The following SMYD3 variants were observed in gnomAD, a reference collection of about 807,000 sequenced individuals.
SMYD3 encodes SET and MYND domain containing 3, also known as histone-lysine N-methyltransferase SMYD3.
Under a neutral mutation model 57.7 loss-of-function variants are expected in SMYD3, and 36 were observed. The ratio of observed to expected loss-of-function variants is 0.62; its 90% CI spans 0.48 to 0.82. The LOEUF (loss-of-function observed/expected upper bound fraction) is 0.82. Among genes scored for constraint, SMYD3 ranks in the 40% least tolerant of loss-of-function variants. SMYD3 has a pLI of 0.00. For missense variants in SMYD3, 515 were observed against 538.8 expected, an observed-to-expected ratio of 0.96 and a Z score of 0.44; for synonymous variants, 211 against 195.0, an observed-to-expected ratio of 1.08 and a Z score of -0.68.
intron 5 of SMYD3, among the ~76,000 whole-genome samples, chr1:246,302,554 A>C (rs2064908973): frequency 6.6e-6 from 1 of 152,188 alleles, no homozygotes; most frequent in Admixed American, 6.5e-5. Context: ...TACTTCTGTT[A>C]CAATGATTTA....
intron 5 of SMYD3, among the ~76,000 whole-genome samples, chr1:245,939,085 G>A (rs924703237): frequency 6.6e-6 from 1 of 151,728 alleles, no homozygotes; most frequent in Non-Finnish European, 1.5e-5. Context: ...GGAGGTTACA[G>A]TGAGCCAAGA....
At chr1:246,064,621 T>C (rs902428855) in intron 5 of SMYD3, among the ~76,000 whole-genome samples, 16 of 152,346 alleles carry the variant, frequency 1.1e-4, no homozygotes, top group Middle Eastern at 3.4e-3. Context: ...ATCTATCCCC[T>C]ATACTGTGTG....
At chr1:245,867,486 ATTAC>A (rs1044614308) in intron 8 of SMYD3, among the ~76,000 whole-genome samples, 10 of 95,536 alleles carry the variant, frequency 1.0e-4, no homozygotes, top group African/African-American at 2.5e-4. Context: ...TGTACCTGGA[ATTAC>A]TTAGTTAGAT....
At chr1:246,091,189 T>C (rs1039260462) in intron 5 of SMYD3, among the ~76,000 whole-genome samples, 1 of 152,182 alleles carries the variant, frequency 6.6e-6, no homozygotes, top group Non-Finnish European at 1.5e-5. Flanking sequence ...GCTGGGCATG[T>C]TGGCCACGTG....
intron 5 of SMYD3, among the ~76,000 whole-genome samples, chr1:246,139,663 T>A (rs969455094): frequency 2.0e-5 from 3 of 152,228 alleles, no homozygotes; most frequent in Non-Finnish European, 4.4e-5. Flanking sequence ...AAATTAAAAA[T>A]TGTTGATATG....
intron 5 of SMYD3, among the ~76,000 whole-genome samples, chr1:246,245,217 C>A (rs1446592261): frequency 6.7e-6 from 1 of 149,434 alleles, no homozygotes; most frequent in Non-Finnish European, 1.5e-5. Flanking sequence ...CTGAGGCGAG[C>A]GGATCACTTG....
At chr1:246,502,696 G>C (rs921637437) in intron 1 of SMYD3, among the ~76,000 whole-genome samples, 4 of 152,118 alleles carry the variant, frequency 2.6e-5, no homozygotes, top group African/African-American at 9.7e-5. Flanking sequence ...AGAAGACCTT[G>C]GATCTGTGTT....
chr1:245,936,133 T>C (rs926854813), intron 5 of SMYD3, among the ~76,000 whole-genome samples: 5 of 152,232 alleles, frequency 3.3e-5, no homozygotes, highest in Non-Finnish European at 5.9e-5. Flanking sequence ...CATTGTACTC[T>C]AAATATATAC....
At chr1:246,195,517 T>C (rs1177289157) in intron 5 of SMYD3, among the ~76,000 whole-genome samples, 1 of 152,080 alleles carries the variant, frequency 6.6e-6, no homozygotes, top group Non-Finnish European at 1.5e-5. Flanking sequence ...CACATCCTAT[T>C]CTCCAAAACC....
chr1:245,913,373 G>A (rs12566580), intron 8 of SMYD3, among the ~76,000 whole-genome samples: 153 of 130,914 alleles, frequency 1.2e-3, no homozygotes, highest in Admixed American at 2.2e-3. Context: ...GGTGTGGGGG[G>A]AGGGGGGAGG....
At chr1:245,952,176 T>G (rs2057678162) in intron 5 of SMYD3, among the ~76,000 whole-genome samples, 1 of 152,176 alleles carries the variant, frequency 6.6e-6, no homozygotes, top group East Asian at 1.9e-4. Context: ...ATGATAAAGC[T>G]GGGTGGGAGG....
intron 5 of SMYD3, among the ~76,000 whole-genome samples, chr1:246,323,349 A>G (rs754003605): frequency 1.8e-4 from 27 of 152,222 alleles, no homozygotes; most frequent in Non-Finnish European, 3.7e-4. Flanking sequence ...ATCTGGGAAT[A>G]TGACCGGGAA....
intron 5 of SMYD3, among the ~76,000 whole-genome samples, chr1:246,160,509 G>C (rs929529467): frequency 3.3e-5 from 5 of 152,206 alleles, no homozygotes; most frequent in African/African-American, 1.2e-4. Flanking sequence ...ACATTAATGA[G>C]CTTCTGAATG....
At chr1:246,032,500 A>T (rs2059696089) in intron 5 of SMYD3, among the ~76,000 whole-genome samples, 1 of 152,218 alleles carries the variant, frequency 6.6e-6, no homozygotes, top group Non-Finnish European at 1.5e-5. Flanking sequence ...AACGGGATGG[A>T]GAGCTCATAT....
intron 5 of SMYD3, among the ~76,000 whole-genome samples, chr1:246,005,798 C>T (rs553704722): frequency 4.3e-4 from 65 of 152,294 alleles, no homozygotes; most frequent in African/African-American, 1.5e-3. Flanking sequence ...TTCAAACCTC[C>T]AGTCAGCAGT....
intron 10 of SMYD3, among the ~76,000 whole-genome samples, chr1:245,813,959 G>A (rs1416879802): frequency 1.3e-5 from 2 of 150,764 alleles, no homozygotes; most frequent in African/African-American, 4.9e-5. Flanking sequence ...TTGCTTTTAG[G>A]TGATTGTAGA....
chr1:245,749,579 T>C lies in SMYD3; in HGVS notation c.1271A>G (p.Asn424Ser), dbSNP rs146375964. Residue 424 changes from asparagine (N) to serine (S), a missense_variant, in exon 12 of 12, where the codon AAC becomes AGC. By Grantham distance (46) the Asn-to-Ser change is conservative. Transcript: ENST00000490107. ...LILLLEECDA[N>S]IRAS is the part of the protein sequence containing the mutation. ...TGCGTTCCCTTAGGATGCTCTGATG[T>C]TGGCGTCGCATTCTTCTAAAAGTAG... 1.1e-4 allele frequency: 180 copies of C among 1,614,102 alleles called. No homozygotes were observed. In the African/African-American group the frequency reaches 1.9e-3, roughly 17 times the overall value.
chr1:246,416,649 C>T (rs1156545524), intron 1 of SMYD3, among the ~76,000 whole-genome samples: 3 of 151,232 alleles, frequency 2.0e-5, no homozygotes, highest in Admixed American at 6.6e-5. Context: ...ATCATACAAA[C>T]GTTTTCAGCA....
chr1:245,890,387 G>A (rs753968804), intron 8 of SMYD3, among the ~76,000 whole-genome samples: 36 of 151,924 alleles, frequency 2.4e-4, no homozygotes, highest in Non-Finnish European at 1.0e-4. Context: ...ACTGAATAAG[G>A]AAAAAAATCT....
Sources: allele counts gnomAD v4.1 joint callset (sites outside exome capture counted in the v4.1 genomes callset), GRCh38; gene constraint gnomAD v4.1.1; transcripts MANE v1.5; gene names NCBI Gene and HGNC (gene_info 2026-07-23, HGNC 2026-07-21).